CUX1: variants seen among roughly 807,000 people sequenced by gnomAD.
CUX1 encodes the protein protein CASP.
Under a neutral mutation model 158.8 loss-of-function variants are expected in CUX1, and 31 were observed. The observed-to-expected ratio is 0.20, with a 90% CI of 0.15 to 0.26. The LOEUF is 0.26. Ranked by LOEUF, CUX1 falls within the 10% of genes least tolerant of loss-of-function variation. The pLI is 1.00. For synonymous variants in CUX1, 879 were observed against 862.1 expected, an observed-to-expected ratio of 1.02 and a Z score of -0.34; for missense variants, 1,589 against 2,014.6, an observed-to-expected ratio of 0.79 and a Z score of 4.04.
intron 3 of CUX1, among the ~76,000 whole-genome samples, chr7:102,043,365 G>A (rs1822351322): frequency 6.7e-6 from 1 of 148,714 alleles, no homozygotes; most frequent in African/African-American, 2.5e-5. Context: ...GTGTGTGTGT[G>A]TGTGTTGAGA....
intron 2 of CUX1, among the ~76,000 whole-genome samples, chr7:101,984,089 A>AAAAAATATATATAT (rs1221503978): frequency 1.0e-4 from 3 of 29,840 alleles, no homozygotes; most frequent in Non-Finnish European, 2.1e-4. Context: ...AAAAAAAAAA[A>AAAAAATATATATAT]ATATATATAT....
chr7:101,937,108 T>TG (rs1369142549), intron 2 of CUX1, among the ~76,000 whole-genome samples: 2 of 152,126 alleles, frequency 1.3e-5, no homozygotes, highest in Non-Finnish European at 2.9e-5. Context: ...ATTGAGGATG[T>TG]GTCCCCTGCC....
At chr7:102,094,869 G>A (rs1829016169) in intron 4 of CUX1, among the ~76,000 whole-genome samples, 1 of 152,156 alleles carries the variant, frequency 6.6e-6, no homozygotes, top group South Asian at 2.1e-4. Context: ...AGAGGGGCAG[G>A]CTGAGAAGGT....
At chr7:101,972,754 G>A (rs528797032) in intron 2 of CUX1, among the ~76,000 whole-genome samples, 1 of 152,202 alleles carries the variant, frequency 6.6e-6, no homozygotes, top group African/African-American at 2.4e-5. Context: ...ATGGTGGGTG[G>A]GAAGAGAGGC....
chr7:102,012,090 G>C (rs1026318667), intron 2 of CUX1, among the ~76,000 whole-genome samples: 3 of 152,026 alleles, frequency 2.0e-5, no homozygotes, highest in Admixed American at 2.0e-4. Context: ...CTTTGAAAGG[G>C]TATTCTAAAA....
intron 2 of CUX1, among the ~76,000 whole-genome samples, chr7:102,008,463 C>T (rs999997048): frequency 1.3e-5 from 2 of 152,084 alleles, no homozygotes; most frequent in Non-Finnish European, 2.9e-5. Flanking sequence ...AGGCTAGCTG[C>T]GCCTGTCTTT....
At chr7:101,991,097 C>G (rs1443737785) in intron 2 of CUX1, among the ~76,000 whole-genome samples, 1 of 152,204 alleles carries the variant, frequency 6.6e-6, no homozygotes, top group Non-Finnish European at 1.5e-5. Flanking sequence ...GCATCTGTCC[C>G]TAGCCCCGCA....
chr7:102,181,098 C>T (rs1554513886), intron 11 of CUX1, among the ~76,000 whole-genome samples: 2 of 151,894 alleles, frequency 1.3e-5, no homozygotes, highest in Non-Finnish European at 2.9e-5. Context: ...TGAGCCACCA[C>T]TTCCGGATAA....
chr7:102,005,601 G>T (rs1817257158), intron 2 of CUX1, among the ~76,000 whole-genome samples: 1 of 152,138 alleles, frequency 6.6e-6, no homozygotes, highest in Admixed American at 6.5e-5. Context: ...CTCCCACAGG[G>T]CTGGGGTTAT....
chr7:101,843,485 A>C (rs1795374582), intron 1 of CUX1, among the ~76,000 whole-genome samples: 1 of 152,162 alleles, frequency 6.6e-6, no homozygotes, highest in Admixed American at 6.5e-5. Flanking sequence ...AAAGTTGTGC[A>C]ATCTATTTTA....
chr7:101,947,968 C>G (rs1189811954), intron 2 of CUX1, among the ~76,000 whole-genome samples: 1 of 152,180 alleles, frequency 6.6e-6, no homozygotes, highest in Non-Finnish European at 1.5e-5. Context: ...CACCTGATCT[C>G]CAGCCAAAAC....
At chr7:102,283,891 C>A (rs1246701252) in exon 23 of CUX1, 9 of 152,318 alleles carry the variant, frequency 5.9e-5, no homozygotes, top group African/African-American at 1.9e-4. Context: ...ACTGGCAGGC[C>A]TTCCTGAGTT....
In CUX1 at chr7:102,111,863, A is replaced by G. The variant is rs868966520; in HGVS notation, c.607+89A>G. ...CCCCTGACCGCCCCGGTCCCCGCGGATACCTGTTGCTCTTCGGGGCCGTGG... is the reference window on the plus strand; with the variant it reads ...CCCCTGACCGCCCCGGTCCCCGCGGGTACCTGTTGCTCTTCGGGGCCGTGG... On this transcript the variant is annotated intron_variant, in intron 7 of 23. Coordinates refer to ENST00000292535, the MANE Select transcript of CUX1 (RefSeq NM_181552.4). The G allele has an allele frequency of 6.0e-5, 72 of 1,194,052 alleles. 1 individual carries two copies. In the Middle Eastern group the frequency reaches 8.6e-4, roughly 14 times the overall value. The allele number at this position is 1,194,052 out of a possible 1,614,324, so 74.0% of individuals were successfully genotyped here.
chr7:102,136,118 C>A (rs1429064142), intron 8 of CUX1, among the ~76,000 whole-genome samples: 2 of 151,742 alleles, frequency 1.3e-5, no homozygotes, highest in African/African-American at 4.8e-5. Context: ...TCAGTTTGCC[C>A]AATAATATTG....
intron 2 of CUX1, among the ~76,000 whole-genome samples, chr7:101,952,789 G>T (rs1434294954): frequency 3.3e-5 from 5 of 152,356 alleles, no homozygotes; most frequent in African/African-American, 1.2e-4. Context: ...TGTGTTGGGA[G>T]GTCCCCACCC....
At chr7:102,069,997 G>C (rs929364595) in intron 3 of CUX1, among the ~76,000 whole-genome samples, 2 of 152,092 alleles carry the variant, frequency 1.3e-5, no homozygotes, top group Non-Finnish European at 2.9e-5. Flanking sequence ...ACCCACCTCT[G>C]ATCCCCAGCA....
intron 2 of CUX1, among the ~76,000 whole-genome samples, chr7:102,024,326 C>CT (rs1444966973): frequency 2.6e-5 from 4 of 152,080 alleles, no homozygotes; most frequent in East Asian, 3.9e-4. Flanking sequence ...CTTGTTAAGC[C>CT]TTTTTTTGTT....
At chr7:101,890,981 A>G (rs768063475) in intron 1 of CUX1, among the ~76,000 whole-genome samples, 1 of 151,290 alleles carries the variant, frequency 6.6e-6, no homozygotes, top group Admixed American at 6.6e-5. Flanking sequence ...TAGATCACTT[A>G]GCAGGATTTT....
intron 3 of CUX1, among the ~76,000 whole-genome samples, chr7:102,064,736 G>A (rs780350799): frequency 2.6e-5 from 4 of 152,176 alleles, no homozygotes; most frequent in African/African-American, 7.2e-5. Context: ...TGGGGCCCTT[G>A]CCAGGGTAGG....
Sources: gnomAD v4.1 joint callset for allele counts (sites outside exome capture counted in the v4.1 genomes callset) on GRCh38, gnomAD v4.1.1 for gene constraint, MANE v1.5 for transcripts, NCBI Gene and HGNC (gene_info 2026-07-23, HGNC 2026-07-21) for gene names.